The following PLCB1 variants were observed in gnomAD, a reference collection of about 807,000 sequenced individuals.
PLCB1 encodes the protein 1-phosphatidylinositol 4,5-bisphosphate phosphodiesterase beta-1.
PLCB1 carries 46 observed loss-of-function variants against 161.8 expected under a neutral mutation model. The observed-to-expected ratio is 0.28, with a 90% CI of 0.22 to 0.36. PLCB1 has a LOEUF of 0.36. PLCB1 is among the 10% of genes least tolerant of loss of function. The pLI is 1.00. For missense variants in PLCB1, 1,016 were observed against 1,472.5 expected (o/e 0.69, Z 5.07); for synonymous variants, 517 against 503.7 (o/e 1.03, Z -0.35).
At chr20:8,649,323 G>A in intron 6 of PLCB1, 51 bp from the exon 7 acceptor site, 1 of 1,163,116 alleles carries the variant, frequency 8.6e-7, no homozygotes, top group Non-Finnish European at 1.3e-6. Context: ...TGTTAGTGCT[G>A]TGATCCATGT....
At chr20:8,537,152 A>G (rs1985085816) in intron 3 of PLCB1, among the ~76,000 whole-genome samples, 1 of 152,182 alleles carries the variant, frequency 6.6e-6, no homozygotes, top group African/African-American at 2.4e-5. Flanking sequence ...GGCAAGTTTT[A>G]GAGTAGGAGT....
chr20:8,239,125 G>A (rs1213171500), intron 2 of PLCB1, among the ~76,000 whole-genome samples: 1 of 151,978 alleles, frequency 6.6e-6, no homozygotes, highest in Admixed American at 6.6e-5. Flanking sequence ...CCAGGACCGG[G>A]ATGAGCCCTG....
intron 3 of PLCB1, among the ~76,000 whole-genome samples, chr20:8,524,112 T>C (rs1300030964): frequency 6.9e-6 from 1 of 144,632 alleles, no homozygotes; most frequent in Non-Finnish European, 1.5e-5. Flanking sequence ...TTCAATGCTA[T>C]GTATTAAAAG....
chr20:8,205,928 A>G (rs889502002), intron 2 of PLCB1, among the ~76,000 whole-genome samples: 1 of 151,816 alleles, frequency 6.6e-6, no homozygotes, highest in Non-Finnish European at 1.5e-5. Context: ...CATGATAAAA[A>G]TGGAAAAAAT....
intron 3 of PLCB1, among the ~76,000 whole-genome samples, chr20:8,575,880 T>A (rs1181371071): frequency 2.0e-5 from 3 of 152,232 alleles, no homozygotes; most frequent in African/African-American, 7.2e-5. Flanking sequence ...GAGATGTAAA[T>A]CAGTCACCAT....
intron 3 of PLCB1, among the ~76,000 whole-genome samples, chr20:8,388,455 A>G (rs1732466065): frequency 1.3e-5 from 2 of 152,188 alleles, no homozygotes; most frequent in African/African-American, 4.8e-5. Flanking sequence ...TACAGATTTC[A>G]CCATTATGTG....
At chr20:8,276,861 T>C (rs1982572408) in intron 2 of PLCB1, among the ~76,000 whole-genome samples, 1 of 151,844 alleles carries the variant, frequency 6.6e-6, no homozygotes, top group Non-Finnish European at 1.5e-5. Flanking sequence ...AATTCAGGAG[T>C]TGGACTTCTA....
chr20:8,354,754 A>G (rs894747887), intron 2 of PLCB1, among the ~76,000 whole-genome samples: 7 of 152,162 alleles, frequency 4.6e-5, no homozygotes, highest in African/African-American at 1.7e-4. Flanking sequence ...ATATTATTTT[A>G]ACCCTCACAA....
At chr20:8,679,121 A>G (rs565863408) in intron 9 of PLCB1, among the ~76,000 whole-genome samples, 114 of 152,326 alleles carry the variant, frequency 7.5e-4, no homozygotes, top group Admixed American at 2.5e-3. Flanking sequence ...AAACGTGTTC[A>G]TTGGTAACCA....
At chr20:8,539,553 G>C (rs147896477) in intron 3 of PLCB1, among the ~76,000 whole-genome samples, 2 of 152,166 alleles carry the variant, frequency 1.3e-5, no homozygotes, top group East Asian at 3.9e-4. Context: ...CTGTTATACT[G>C]TTTTATCCCC....
intron 3 of PLCB1, among the ~76,000 whole-genome samples, chr20:8,470,848 G>A (rs1238331408): frequency 6.7e-6 from 1 of 149,098 alleles, no homozygotes; most frequent in Non-Finnish European, 1.5e-5. Context: ...TAACTTTTTT[G>A]TGCTCTTCTT....
intron 2 of PLCB1, among the ~76,000 whole-genome samples, chr20:8,275,213 T>G (rs1425249363): frequency 6.6e-6 from 1 of 151,692 alleles, no homozygotes; most frequent in African/African-American, 2.4e-5. Flanking sequence ...GATACTTTGT[T>G]AAATGTCCAG....
At chr20:8,401,969 T>C (rs1193779506) in intron 3 of PLCB1, among the ~76,000 whole-genome samples, 1 of 152,228 alleles carries the variant, frequency 6.6e-6, no homozygotes, top group East Asian at 1.9e-4. Context: ...ACATTACTTA[T>C]TGCATAACCT....
chr20:8,238,922 A>G (rs1359730354), intron 2 of PLCB1, among the ~76,000 whole-genome samples: 2 of 151,888 alleles, frequency 1.3e-5, no homozygotes, highest in African/African-American at 4.8e-5. Context: ...GAGGAATGGA[A>G]GACTATGGAC....
At chr20:8,147,231 C>G (rs566807737) in intron 1 of PLCB1, among the ~76,000 whole-genome samples, 173 of 152,240 alleles carry the variant, frequency 1.1e-3, no homozygotes, top group African/African-American at 4.0e-3. Context: ...GGAGAAAGAG[C>G]CCAGCAATCT....
At chr20:8,264,624 G>A (rs1046256760) in intron 2 of PLCB1, among the ~76,000 whole-genome samples, 1 of 152,084 alleles carries the variant, frequency 6.6e-6, no homozygotes, top group Admixed American at 6.5e-5. Flanking sequence ...ACATCACTAG[G>A]TTATAGGAAT....
chr20:8,784,014 G>A (rs1983362327), intron 27 of PLCB1, among the ~76,000 whole-genome samples: 1 of 152,198 alleles, frequency 6.6e-6, no homozygotes, highest in African/African-American at 2.4e-5. Flanking sequence ...TGGAGAAGTA[G>A]TTAGTATTGG....
chr20:8,802,059 G>A lies in PLCB1; in HGVS notation c.3423+11798G>A, dbSNP rs866974119. 3 of 1,585,704 alleles carry A rather than the reference G, an allele frequency of 1.9e-6. No individual in the cohort carries two copies. The African/African-American group carries it at 4.0e-5, about 21-fold the overall frequency. Reference sequence around the variant, plus strand: ...GCCTCCCTTTTTTTCCACACAGGGGGAAGGTTCCTCCTCATTCTTGTCGGA... The same window carrying A: ...GCCTCCCTTTTTTTCCACACAGGGGAAAGGTTCCTCCTCATTCTTGTCGGA... On this transcript the variant is annotated intron_variant, in intron 31 of 31. Coordinates refer to ENST00000338037, the MANE Select transcript of PLCB1 (RefSeq NM_015192.4).
At chr20:8,799,140 T>C (rs1984169277) in intron 31 of PLCB1, among the ~76,000 whole-genome samples, 1 of 152,192 alleles carries the variant, frequency 6.6e-6, no homozygotes, top group South Asian at 2.1e-4. Context: ...ATATCAACTT[T>C]CTTTCCCCCT....
Sources: gnomAD v4.1 joint callset for allele counts (sites outside exome capture counted in the v4.1 genomes callset) on GRCh38, gnomAD v4.1.1 for gene constraint, MANE v1.5 for transcripts, NCBI Gene and HGNC (gene_info 2026-07-23, HGNC 2026-07-21) for gene names.